Variants in AP3S2 observed in about 807,000 individuals in gnomAD.
The protein encoded by AP3S2 is AP-3 complex subunit sigma-2.
In AP3S2, 22 loss-of-function variants were observed where a neutral mutation model predicts 23.4. The ratio of observed to expected loss-of-function variants is 0.94; its 90% confidence interval spans 0.67 to 1.34. The LOEUF (loss-of-function observed/expected upper bound fraction) is 1.34, where lower values mean the gene tolerates loss of function less well. Ranked by LOEUF, AP3S2 falls within the 40% of genes most tolerant of loss-of-function variation. The probability of loss-of-function intolerance (pLI) is 0.00; values close to 1 mark genes in which losing one functional copy is unlikely to be tolerated. For missense variants in AP3S2, 241 were observed against 236.9 expected, an observed-to-expected ratio of 1.02 and a Z score of -0.11; for synonymous variants, 86 against 87.1, an observed-to-expected ratio of 0.99 and a Z score of 0.07.
Position 89,866,344 on chromosome 15 carries a change from G to A in AP3S2, c.345+5131C>T, listed in dbSNP as rs545595043. ...GAACTAGCTTAGACTAGGGGGTTGG[G>A]AGGCTACCCCTTCTCCCAGTGAGAG... On this transcript the variant is annotated intron_variant, in intron 4 of 5. Coordinates refer to ENST00000336418, the MANE Select transcript of AP3S2 (RefSeq NM_005829.5). Among the ~76,000 whole-genome samples the A allele has an allele frequency of 2.4e-4, 37 of 152,014 alleles. 1 individual carries two copies. The highest frequency in any genetic ancestry group is 8.9e-4 in the African/African-American group (37 of 41,462).
At chr15:89,846,046 G>A (rs1041127059) in intron 4 of AP3S2, among the ~76,000 whole-genome samples, 1 of 152,150 alleles carries the variant, frequency 6.6e-6, no homozygotes, top group African/African-American at 2.4e-5. Flanking sequence ...TAAACCAACA[G>A]GATATCTTGA....
intron 4 of AP3S2, among the ~76,000 whole-genome samples, chr15:89,868,114 TG>T (rs1244892094): frequency 1.1e-5 from 1 of 95,164 alleles, no homozygotes; most frequent in African/African-American, 3.9e-5. Flanking sequence ...GGGAGGGAGA[TG>T]GGGGGGTCAG....
chr15:89,888,729 G>C, intron 2 of AP3S2, 97 bp from the exon 3 acceptor site: 1 of 1,317,272 alleles, frequency 7.6e-7, no homozygotes. Context: ...CACTGGAAAG[G>C]AGAAGGCCAA....
chr15:89,868,213 T>TG lies in AP3S2; in HGVS notation c.345+3261dup, dbSNP rs1196086955. ...CCAGCTGCCCCGTCCGGGAGGGAGGTGGGGGGGTCAGCCCTCCGCCCGGCC... is the reference window on the plus strand; with the variant it reads ...CCAGCTGCCCCGTCCGGGAGGGAGGTGGGGGGGGTCAGCCCTCCGCCCGGCC... On this transcript the variant is annotated intron_variant, in intron 4 of 5. Coordinates refer to ENST00000336418, the MANE Select transcript of AP3S2 (RefSeq NM_005829.5). Among the ~76,000 whole-genome samples, 160 of 38,308 alleles carry TG rather than the reference T, an allele frequency of 4.2e-3. 6 individuals carry two copies. The highest frequency in any genetic ancestry group is 7.1e-3 in the Non-Finnish European group (125 of 17,686). 25.1% of individuals were successfully genotyped at this position (38,308 alleles called of 152,430 possible).
chr15:89,890,103 G>A (rs950548408), intron 1 of AP3S2, among the ~76,000 whole-genome samples: 2 of 151,816 alleles, frequency 1.3e-5, no homozygotes, highest in Non-Finnish European at 2.9e-5. Flanking sequence ...CTGTTGCCCA[G>A]GCAGTGGTGT....
chr15:89,833,327 C>T lies in AP3S2; in HGVS notation c.*2188G>A, dbSNP rs1895120081. The T allele has an allele frequency of 3.3e-5, 5 of 152,166 alleles. No individual in the cohort carries two copies. The highest frequency in any genetic ancestry group is 3.3e-4 in the Admixed American group (5 of 15,270). The allele number at this position is 152,166 out of a possible 1,614,324, so 9.4% of individuals were successfully genotyped here. On this transcript the variant is annotated 3_prime_UTR_variant, in exon 6 of 6. Coordinates refer to ENST00000336418, the MANE Select transcript of AP3S2 (RefSeq NM_005829.5). ...GTGAGAAGTCAGACTCTCTGAGGCT[C>T]AGTTTCCTTATCTATAAAAAAGAAG...
chr15:89,890,190 C>T (rs577600393), intron 1 of AP3S2, among the ~76,000 whole-genome samples: 16 of 152,226 alleles, frequency 1.1e-4, no homozygotes, highest in Non-Finnish European at 1.8e-4. Flanking sequence ...GCTGAGATTA[C>T]AGGTATGTGC....
chr15:89,867,301 C>T (rs1372326066), intron 4 of AP3S2, among the ~76,000 whole-genome samples: 1 of 150,788 alleles, frequency 6.6e-6, no homozygotes, highest in African/African-American at 2.4e-5. Flanking sequence ...GACGGAGTCT[C>T]GTTCACTCAG....
rs141951130 is a variant in AP3S2 at position 89,837,039 on chromosome 15, G to A, written c.453+576C>T. On this transcript the variant is annotated intron_variant, in intron 5 of 5. Coordinates refer to ENST00000336418, the MANE Select transcript of AP3S2 (RefSeq NM_005829.5). ...GGAAGGGGACGGCGAGACCTCAGAGGGATAGGACAGAATTTATGTGAACAT... is the reference window on the plus strand; with the variant it reads ...GGAAGGGGACGGCGAGACCTCAGAGAGATAGGACAGAATTTATGTGAACAT... 8.5e-5 allele frequency among the ~76,000 whole-genome samples: 13 copies of A among 152,322 alleles called. No individual in the cohort carries two copies. In the East Asian group the frequency reaches 1.9e-3, roughly 23 times the overall value.
At chr15:89,844,267 CTT>C (rs1288001640) in intron 4 of AP3S2, among the ~76,000 whole-genome samples, 488 of 13,830 alleles carry the variant, frequency 0.035, 5 homozygotes, top group African/African-American at 0.1. Context: ...TTCTTTCTTT[CTT>C]TCTCTCTCTC....
chr15:89,875,583 C>T (rs1424876613), intron 3 of AP3S2, among the ~76,000 whole-genome samples: 3 of 141,958 alleles, frequency 2.1e-5, no homozygotes, highest in African/African-American at 7.9e-5. Flanking sequence ...AACAAATCCT[C>T]TAAGAAATAC....
At chr15:89,863,351 G>C (rs1200756886) in intron 4 of AP3S2, among the ~76,000 whole-genome samples, 1 of 152,160 alleles carries the variant, frequency 6.6e-6, no homozygotes, top group East Asian at 1.9e-4. Flanking sequence ...TGGGGCAGTA[G>C]AGCCATGGGA....
chr15:89,888,474 G>T, intron 3 of AP3S2, 47 bp downstream of exon 3: 1 of 1,591,764 alleles, frequency 6.3e-7, no homozygotes, highest in East Asian at 2.2e-5. Context: ...CAAAAATCCC[G>T]TGGAAACTCT....
chr15:89,893,690 A>T, intron 1 of AP3S2, 191 bp downstream of exon 1: 1 of 578,344 alleles, frequency 1.7e-6, no homozygotes, highest in Non-Finnish European at 3.0e-6. Flanking sequence ...AGAGCGGGGC[A>T]GTAGGGCGGG....
chr15:89,837,920 T>G, intron 4 of AP3S2, 198 bp from the exon 5 acceptor site: 15 of 527,374 alleles, frequency 2.8e-5, no homozygotes, highest in East Asian at 6.9e-5. Flanking sequence ...CACGAATCTC[T>G]CCCCTCAGCA....
Position 89,837,642 on chromosome 15 carries a change from C to A in AP3S2, c.426G>T (p.Glu142Asp). ...TNMNEIVAQIEAQNRLEKSEG... is the reference protein window; with the variant it reads ...TNMNEIVAQIDAQNRLEKSEG... Reference sequence around the variant, plus strand: ...CGGATTTCTCCAGCCTGTTTTGAGCCTCAATCTGAGCCACGATTTCATTCA... The same window carrying A: ...CGGATTTCTCCAGCCTGTTTTGAGCATCAATCTGAGCCACGATTTCATTCA... The change falls in exon 5 of 6, where the codon GAG (glutamate) becomes GAT (aspartate). Residue 142 changes from glutamate to aspartate, a missense_variant. Physicochemically the swap from Glu to Asp is conservative, Grantham distance 45 (BLOSUM62 2). Coordinates refer to ENST00000336418, the MANE Select transcript of AP3S2 (RefSeq NM_005829.5). 6.2e-7 allele frequency: 1 copy of A among 1,614,126 alleles called. No homozygotes were observed. Among genetic ancestry groups the A allele is most frequent in the Non-Finnish European group, 8.5e-7 (1 of 1,180,000 alleles).
At chr15:89,892,044 TAAA>T in intron 1 of AP3S2, among the ~76,000 whole-genome samples, 1 of 152,232 alleles carries the variant, frequency 6.6e-6, no homozygotes, top group East Asian at 1.9e-4. Context: ...TATTCAGCAA[TAAA>T]AGAAATGAAG....
At chr15:89,874,235 G>A (rs537291562) in intron 3 of AP3S2, among the ~76,000 whole-genome samples, 9 of 151,514 alleles carry the variant, frequency 5.9e-5, no homozygotes, top group African/African-American at 1.5e-4. Flanking sequence ...GAGGTTTTCC[G>A]CAGATGTCTG....
At chr15:89,885,735 TG>T (rs1896683148) in intron 3 of AP3S2, among the ~76,000 whole-genome samples, 2 of 150,990 alleles carry the variant, frequency 1.3e-5, no homozygotes, top group African/African-American at 4.9e-5. Context: ...TGAGCTGAGA[TG>T]TTCGAGACCA....
Sources: allele counts gnomAD v4.1 joint callset (sites outside exome capture counted in the v4.1 genomes callset), GRCh38; gene constraint gnomAD v4.1.1; transcripts MANE v1.5; gene names NCBI Gene and HGNC (gene_info 2026-07-23, HGNC 2026-07-21).